The following FANCD2 variants were observed in gnomAD, a reference collection of about 807,000 sequenced individuals.
The protein encoded by FANCD2 is Fanconi anemia group D2 protein.
In FANCD2, 131 loss-of-function variants were observed where a neutral mutation model predicts 192.3. The ratio of observed to expected loss-of-function variants is 0.68; its 90% CI spans 0.59 to 0.79. The LOEUF (loss-of-function observed/expected upper bound fraction) is 0.79. FANCD2 is among the 30% of genes least tolerant of loss of function. The pLI, the probability that FANCD2 is intolerant of heterozygous loss-of-function variation, is 0.00. For missense variants in FANCD2, 1,508 were observed against 1,701.6 expected (o/e 0.89, Z 2.00); for synonymous variants, 524 against 612.5 (o/e 0.86, Z 2.13).
intron 1 of FANCD2, among the ~76,000 whole-genome samples, chr3:10,027,115 C>T (rs1384614094): frequency 6.6e-6 from 1 of 152,204 alleles, no homozygotes; most frequent in African/African-American, 2.4e-5. Context: ...ATTTCCCCTG[C>T]ACTGCGAGCT....
rs530125285 is a variant in FANCD2, at chr3:10,042,571, G to A, written c.796G>A (p.Val266Met). ...TTTTAATTTTTAGGTTCGCCAGTTG[G>A]TGATGGATAAGTTGTCGTCTATTAG... ...PNFLLKVRQL[V>M]MDKLSSIRLE... The change falls in exon 11 of 44, where the codon GTG becomes ATG. Residue 266 changes from valine (V) to methionine (M), a missense_variant. Physicochemically the swap from Val to Met is conservative, Grantham distance 21. Coordinates refer to ENST00000675286, the MANE Select transcript of FANCD2 (RefSeq NM_001018115.3). 2.5e-5 allele frequency: 40 copies of A among 1,613,898 alleles called. 1 individual carries two copies. In the South Asian group the frequency reaches 4.2e-4, roughly 17 times the overall value.
intron 14 of FANCD2, among the ~76,000 whole-genome samples, chr3:10,046,055 C>CTTTTTTTTTTTTTTTTTTTT (rs57661428): frequency 8.8e-5 from 11 of 124,416 alleles, no homozygotes; most frequent in African/African-American, 2.0e-4. Context: ...GCTCTGTATT[C>CTTTTTTTTTTTTTTTTTTTT]TTTTTTTTTT....
At chr3:10,028,759 CA>C in intron 2 of FANCD2, 38 bp downstream of exon 2, 2 of 1,543,278 alleles carry the variant, frequency 1.3e-6, no homozygotes, top group Non-Finnish European at 1.8e-6. Context: ...TTTCCTGTAG[CA>C]ATGTGTGAGG....
chr3:10,085,191 CT>C (rs1172023893), intron 32 of FANCD2, among the ~76,000 whole-genome samples: 1 of 152,090 alleles, frequency 6.6e-6, no homozygotes, highest in Non-Finnish European at 1.5e-5. Flanking sequence ...TGAAGGAGAG[CT>C]TTTTGCCCTT....
intron 43 of FANCD2, chr3:10,099,284 T>A (rs896542828): frequency 2.7e-5 from 34 of 1,265,988 alleles, no homozygotes; most frequent in Non-Finnish European, 3.3e-5. Flanking sequence ...TTCTTACGCT[T>A]TTTTGTGGTA....
rs192843638 is a variant in FANCD2, at chr3:10,085,839, G to A, written c.3252G>A (p.Gln1084=). Residue 1084 remains glutamine, a synonymous_variant, in exon 33 of 44, where the codon CAG becomes CAA. Transcript: ENST00000675286. The part of the protein sequence containing the change: ...AWSGFSQPEN[Q]NLLYSALHVL... The stretch of plus-strand genomic sequence containing the variant: ...GTGGATTTTCTCAACCTGAAAATCA[G>A]AATTTACTGTATTCAGCCCTCCATG... 1.2e-6 allele frequency: 2 copies of A among 1,613,566 alleles called. No homozygotes were observed. The highest frequency in any genetic ancestry group is 2.7e-5 in the African/African-American group (2 of 75,006).
chr3:10,046,508 C>T (rs2124999790), intron 14 of FANCD2, 72 bp from the exon 15 acceptor site: 1 of 1,593,264 alleles, frequency 6.3e-7, no homozygotes, highest in Non-Finnish European at 8.6e-7. Context: ...AGAGGAAAAG[C>T]TGCTGTTTCA....
intron 14 of FANCD2, among the ~76,000 whole-genome samples, chr3:10,045,088 G>GTT (rs76340293): frequency 7.8e-6 from 1 of 128,930 alleles, no homozygotes; most frequent in African/African-American, 3.3e-5. Context: ...CTTTTTAACT[G>GTT]TTTTTTTTTT....
intron 33 of FANCD2, among the ~76,000 whole-genome samples, chr3:10,086,422 G>C (rs1312967628): frequency 1.3e-5 from 2 of 151,930 alleles, no homozygotes; most frequent in Non-Finnish European, 2.9e-5. Context: ...CACTTCCCTT[G>C]GTAACCTAGA....
In FANCD2 at chr3:10,041,214, C is replaced by A. The variant is rs539911024; in HGVS notation, c.696-409C>A. 129 of 213,596 alleles carry A rather than the reference C, an allele frequency of 6.0e-4. 2 individuals carry two copies. In the Middle Eastern group the frequency reaches 8.3e-3, roughly 14 times the overall value. The allele number at this position is 213,596 out of a possible 1,614,324, so 13.2% of individuals were successfully genotyped here. ...GACCCTGTCTCAAAAAACAAACAAA[C>A]AAAAAAAAAAGCAATCTATCACTGT... On this transcript the variant is annotated intron_variant, in intron 9 of 43. Transcript: ENST00000675286.
At chr3:10,058,782 C>T (rs1478598169) in intron 18 of FANCD2, among the ~76,000 whole-genome samples, 6 of 152,122 alleles carry the variant, frequency 3.9e-5, no homozygotes, top group African/African-American at 1.2e-4. Flanking sequence ...GAAGTGTGGG[C>T]CCTCCAACTT....
intron 2 of FANCD2, 83 bp from the exon 3 acceptor site, chr3:10,032,749 C>T (rs562602283): frequency 3.2e-5 from 39 of 1,227,546 alleles, no homozygotes; most frequent in African/African-American, 2.0e-4. Flanking sequence ...ATCAGTTTTC[C>T]TCTCATGATT....
chr3:10,098,653 C>G (rs890818858), intron 42 of FANCD2, 67 bp from the exon 43 acceptor site: 4 of 1,580,476 alleles, frequency 2.5e-6, no homozygotes, highest in Non-Finnish European at 2.6e-6. Context: ...GTAAACTCAA[C>G]CTTCTCCCCT....
chr3:10,100,959 C>T (rs1365076359), intron 43 of FANCD2, among the ~76,000 whole-genome samples: 2 of 151,812 alleles, frequency 1.3e-5, no homozygotes, highest in East Asian at 1.9e-4. Flanking sequence ...ATCCCAGCTA[C>T]TTGGGAGGCT....
At chr3:10,077,230 C>T (rs1693586866) in intron 29 of FANCD2, among the ~76,000 whole-genome samples, 2 of 151,922 alleles carry the variant, frequency 1.3e-5, no homozygotes, top group South Asian at 4.1e-4. Flanking sequence ...GAGACCCTGT[C>T]TCAAATATAA....
intron 7 of FANCD2, among the ~76,000 whole-genome samples, chr3:10,038,838 C>T (rs2086792546): frequency 6.6e-6 from 1 of 152,154 alleles, no homozygotes; most frequent in Admixed American, 6.5e-5. Flanking sequence ...ACCTTGGCCT[C>T]CCAAAGTGCT....
At chr3:10,100,111 C>G (rs1695213848) in intron 43 of FANCD2, among the ~76,000 whole-genome samples, 1 of 152,000 alleles carries the variant, frequency 6.6e-6, no homozygotes, top group Non-Finnish European at 1.5e-5. Flanking sequence ...TTGCTCAAGC[C>G]CAGGAGGTGG....
chr3:10,059,710 G>A (rs2087509330), intron 18 of FANCD2, among the ~76,000 whole-genome samples: 1 of 152,078 alleles, frequency 6.6e-6, no homozygotes, highest in South Asian at 2.1e-4. Flanking sequence ...GGAGGCTGAG[G>A]CAGGAGAATG....
intron 16 of FANCD2, among the ~76,000 whole-genome samples, chr3:10,048,662 T>G (rs2087105079): frequency 6.6e-6 from 1 of 152,216 alleles, no homozygotes; most frequent in South Asian, 2.1e-4. Context: ...TGGAAAATGT[T>G]TATGAAAGCA....
Sources: allele counts gnomAD v4.1 joint callset (sites outside exome capture counted in the v4.1 genomes callset), GRCh38; gene constraint gnomAD v4.1.1; transcripts MANE v1.5; gene names NCBI Gene and HGNC (gene_info 2026-07-23, HGNC 2026-07-21).